TTC3: variants seen among roughly 807,000 people sequenced by gnomAD.
TTC3 encodes tetratricopeptide repeat domain 3, also known as E3 ubiquitin-protein ligase TTC3.
Under a neutral mutation model 249.6 loss-of-function variants are expected in TTC3, and 180 were observed. The observed-to-expected ratio is 0.72, with a 90% CI of 0.64 to 0.82. The LOEUF (loss-of-function observed/expected upper bound fraction) is 0.82. Among genes scored for constraint, TTC3 ranks in the 40% least tolerant of loss-of-function variants. The pLI, the probability that TTC3 is intolerant of heterozygous loss-of-function variation, is 0.00. For synonymous variants in TTC3, 717 were observed against 805.0 expected, an observed-to-expected ratio of 0.89 and a Z score of 1.85; for missense variants, 2,061 against 2,398.4, an observed-to-expected ratio of 0.86 and a Z score of 2.94.
chr21:37,190,130 C>CTTTTTTTTTTTTTTTTT (rs138862573), intron 39 of TTC3, among the ~76,000 whole-genome samples: 3 of 65,048 alleles, frequency 4.6e-5, no homozygotes, highest in East Asian at 5.8e-4. Context: ...CTTTTTCTTT[C>CTTTTTTTTTTTTTTTTT]TTTTTTTTTT....
chr21:37,123,075 G>T, intron 13 of TTC3, 47 bp downstream of exon 13: 1 of 1,586,734 alleles, frequency 6.3e-7, no homozygotes, highest in Non-Finnish European at 8.7e-7. Context: ...GAATGGCTTT[G>T]CTGCATGAAT....
At chr21:37,150,984 G>T in intron 25 of TTC3, 100 bp downstream of exon 25, 1 of 794,168 alleles carries the variant, frequency 1.3e-6, no homozygotes, top group Non-Finnish European at 2.0e-6. Context: ...AAAATTGGCT[G>T]TGTATACATA....
chr21:37,174,649 T>C (rs764750424), intron 35 of TTC3, among the ~76,000 whole-genome samples: 21 of 152,122 alleles, frequency 1.4e-4, no homozygotes, highest in Non-Finnish European at 2.6e-4. Context: ...CAGCCCCTTA[T>C]AGAGAACAGA....
At chr21:37,087,366 T>G in exon 2 of TTC3, 1 of 1,613,982 alleles carries the variant, frequency 6.2e-7, no homozygotes, top group Non-Finnish European at 8.5e-7. Context: ...GAGCAATGAT[T>G]ATGTTCGTGT....
intron 2 of TTC3, among the ~76,000 whole-genome samples, chr21:37,087,620 A>G (rs2072675342): frequency 6.6e-6 from 1 of 152,196 alleles, no homozygotes; most frequent in Non-Finnish European, 1.5e-5. Context: ...GTTTTCTGAC[A>G]GGGCATAAGA....
At chr21:37,139,883 G>A (rs543369213) in intron 19 of TTC3, among the ~76,000 whole-genome samples, 31 of 152,256 alleles carry the variant, frequency 2.0e-4, no homozygotes, top group Admixed American at 1.6e-3. Flanking sequence ...TGCTTCAAAC[G>A]TTTTTAGAAT....
At chr21:37,174,677 G>C (rs1212459073) in intron 35 of TTC3, among the ~76,000 whole-genome samples, 1 of 152,168 alleles carries the variant, frequency 6.6e-6, no homozygotes, top group Non-Finnish European at 1.5e-5. Context: ...GGAAGCTATA[G>C]AAATCTGAGT....
chr21:37,142,683 T>C (rs985045139), intron 20 of TTC3, among the ~76,000 whole-genome samples: 1 of 152,208 alleles, frequency 6.6e-6, no homozygotes, highest in African/African-American at 2.4e-5. Context: ...AGGTAATTTA[T>C]AGATTCAATG....
intron 30 of TTC3, 46 bp from the exon 31 acceptor site, chr21:37,161,944 A>T (rs2080798724): frequency 1.5e-6 from 2 of 1,356,388 alleles, no homozygotes; most frequent in Admixed American, 2.1e-5. Flanking sequence ...CTTTAATGGA[A>T]TTTTAAGGTA....
intron 28 of TTC3, 178 bp downstream of exon 28, chr21:37,157,084 TTTTAC>T: frequency 7.3e-7 from 1 of 1,367,974 alleles, no homozygotes; most frequent in Admixed American, 2.3e-5. Flanking sequence ...CATGAAGCTT[TTTTAC>T]TTTATCAGTT....
At chr21:37,124,995 A>G (rs1437401639) in intron 14 of TTC3, among the ~76,000 whole-genome samples, 1 of 152,168 alleles carries the variant, frequency 6.6e-6, no homozygotes, top group Non-Finnish European at 1.5e-5. Flanking sequence ...AAAAATAACC[A>G]TTTTGCCGCT....
intron 16 of TTC3, among the ~76,000 whole-genome samples, chr21:37,129,794 A>G (rs917210564): frequency 3.3e-5 from 5 of 152,152 alleles, no homozygotes; most frequent in South Asian, 2.1e-4. Flanking sequence ...GGTGCACGTC[A>G]CCATGACTGG....
intron 29 of TTC3, among the ~76,000 whole-genome samples, chr21:37,160,249 A>G (rs1228492349): frequency 6.6e-6 from 1 of 152,236 alleles, no homozygotes; most frequent in Non-Finnish European, 1.5e-5. Context: ...AAAGCACAAC[A>G]TTGTGGCAGT....
chr21:37,151,692 C>T (rs539509798), intron 25 of TTC3, among the ~76,000 whole-genome samples: 3 of 152,254 alleles, frequency 2.0e-5, no homozygotes, highest in Admixed American at 2.0e-4. Context: ...TTAGACATCA[C>T]CTAATCATTG....
chr21:37,201,355 C>T, intron 45 of TTC3, 85 bp from the exon 46 acceptor site: 1 of 1,579,448 alleles, frequency 6.3e-7, no homozygotes, highest in Non-Finnish European at 8.7e-7. Context: ...GTGAGCCACG[C>T]CTGCCAAGGA....
intron 35 of TTC3, among the ~76,000 whole-genome samples, chr21:37,181,005 G>T (rs956412449): frequency 2.0e-5 from 3 of 152,112 alleles, no homozygotes; most frequent in Non-Finnish European, 2.9e-5. Flanking sequence ...AGCAGATACA[G>T]TTGTGTATAG....
At chr21:37,201,660 G>A in exon 46 of TTC3, 1 of 1,524,252 alleles carries the variant, frequency 6.6e-7, no homozygotes, top group Non-Finnish European at 8.9e-7. Context: ...ACAAACATTT[G>A]AAGACCCTTG....
intron 1 of TTC3, chr21:37,086,331 C>G (rs1196594345): frequency 6.6e-6 from 1 of 152,020 alleles, no homozygotes; most frequent in African/African-American, 2.4e-5. Context: ...GAAAAGAAAG[C>G]CATTATATGG....
At chr21:37,088,925 T>A (rs745483388) in intron 5 of TTC3, 39 bp downstream of exon 5, 1 of 1,553,564 alleles carries the variant, frequency 6.4e-7, no homozygotes, top group Non-Finnish European at 8.8e-7. Context: ...GCCCTTGGTT[T>A]AAATAATATA....
Sources: allele counts gnomAD v4.1 joint callset (sites outside exome capture counted in the v4.1 genomes callset), GRCh38; gene constraint gnomAD v4.1.1; transcripts MANE v1.5; gene names NCBI Gene and HGNC (gene_info 2026-07-23, HGNC 2026-07-21).